Variants in SMIM8 observed in about 807,000 individuals in gnomAD.
SMIM8 encodes the protein small integral membrane protein 8, also known as UPF0708 protein C6orf162.
Under a neutral mutation model 8.1 loss-of-function variants are expected in SMIM8, and 8 were observed. That is an observed-to-expected ratio of 0.99 (90% CI 0.58 to 1.78). The LOEUF (loss-of-function observed/expected upper bound fraction) is 1.78. Ranked by LOEUF, SMIM8 falls within the 40% of genes most tolerant of loss-of-function variation. The pLI is 0.00. For missense variants in SMIM8, 126 were observed against 119.8 expected (o/e 1.05, Z -0.24); for synonymous variants, 45 against 39.7 (o/e 1.13, Z -0.50).
At position 87,340,483 on chromosome 6, in the gene SMIM8, A is replaced by G; in HGVS notation, c.*209A>G. Reference sequence around the variant, plus strand: ...CTTTTTCCACAGAGTGAGCGTCATAATATTTTTCTTTCCTTACCTCTTATA... The same window carrying G: ...CTTTTTCCACAGAGTGAGCGTCATAGTATTTTTCTTTCCTTACCTCTTATA... On this transcript the variant is annotated 3_prime_UTR_variant, in exon 4 of 4. Coordinates refer to ENST00000392863, the MANE Select transcript of SMIM8 (RefSeq NM_001042493.3). The G allele has an allele frequency of 2.8e-6, 1 of 361,154 alleles. No homozygotes were observed. Among genetic ancestry groups the G allele is most frequent in the Non-Finnish European group, 4.8e-6 (1 of 209,390 alleles). 22.4% of individuals were successfully genotyped at this position (361,154 alleles called of 1,614,324 possible).
chr6:87,330,075 G>T (rs1159620148), intron 1 of SMIM8, among the ~76,000 whole-genome samples: 1 of 152,092 alleles, frequency 6.6e-6, no homozygotes, highest in Non-Finnish European at 1.5e-5. Flanking sequence ...TTCCCCTCAA[G>T]CCATGAAGTC....
At chr6:87,329,123 C>T (rs116724056) in intron 1 of SMIM8, 407 of 154,760 alleles carry the variant, frequency 2.6e-3, no homozygotes, top group African/African-American at 8.4e-3. Context: ...TCACATGGTG[C>T]GCGCACCCAC....
At chr6:87,328,522 C>T (rs1168694503) in intron 1 of SMIM8, among the ~76,000 whole-genome samples, 3 of 151,668 alleles carry the variant, frequency 2.0e-5, no homozygotes, top group African/African-American at 4.9e-5. Flanking sequence ...TGTGAGGTAT[C>T]AGTCTGCCCC....
At chr6:87,328,953 G>A (rs1314891191) in intron 1 of SMIM8, among the ~76,000 whole-genome samples, 1 of 152,216 alleles carries the variant, frequency 6.6e-6, no homozygotes, top group African/African-American at 2.4e-5. Context: ...ATAATCTCGT[G>A]GTGCGCCATT....
chr6:87,322,846 A>C (rs1044027890), intron 1 of SMIM8: 4 of 152,118 alleles, frequency 2.6e-5, no homozygotes, highest in Non-Finnish European at 5.9e-5. Flanking sequence ...GGCCCCACAG[A>C]GCCCATTTCC....
intron 1 of SMIM8, chr6:87,329,331 G>A (rs60628059): frequency 0.068 from 10,397 of 152,850 alleles, 729 homozygotes; most frequent in African/African-American, 0.18. Context: ...CTGGAGTGCA[G>A]TGGCACGATC....
In SMIM8 at chr6:87,341,726, A is replaced by C. The variant is rs383692; in HGVS notation, c.*1452A>C. On this transcript the variant is annotated 3_prime_UTR_variant, in exon 4 of 4. Coordinates refer to ENST00000392863, the MANE Select transcript of SMIM8 (RefSeq NM_001042493.3). ...GAACTTAGCTAATTGAATTTACATG[A>C]AACTAAATAAAATCTTTACTACTGA... 6.5e-6 allele frequency: 1 copy of C among 154,812 alleles called. No individual in the cohort carries two copies. Among genetic ancestry groups the C allele is most frequent in the Non-Finnish European group, 1.4e-5 (1 of 70,020 alleles). 9.6% of individuals were successfully genotyped at this position (154,812 alleles called of 1,614,324 possible).
At chr6:87,326,341 T>C (rs1776820756) in intron 1 of SMIM8, among the ~76,000 whole-genome samples, 1 of 152,214 alleles carries the variant, frequency 6.6e-6, no homozygotes, top group Non-Finnish European at 1.5e-5. Flanking sequence ...CTTTTCTAGT[T>C]CTCTTAATTG....
chr6:87,327,866 A>G (rs1776868738), intron 1 of SMIM8, among the ~76,000 whole-genome samples: 1 of 149,472 alleles, frequency 6.7e-6, no homozygotes, highest in South Asian at 2.1e-4. Context: ...ACTTGGTTCC[A>G]TTCTCCCCGT....
intron 1 of SMIM8, among the ~76,000 whole-genome samples, chr6:87,330,048 C>T (rs945256914): frequency 6.6e-6 from 1 of 152,168 alleles, no homozygotes; most frequent in Non-Finnish European, 1.5e-5. Context: ...AAGTGAGAAT[C>T]TGAGGTTATG....
chr6:87,331,174 A>G (rs751420135), intron 2 of SMIM8, among the ~76,000 whole-genome samples: 14 of 152,226 alleles, frequency 9.2e-5, no homozygotes, highest in Non-Finnish European at 1.9e-4. Flanking sequence ...TGACAGCTGC[A>G]GTGGAAACAA....
chr6:87,323,347 A>G (rs1228640453), intron 1 of SMIM8, among the ~76,000 whole-genome samples: 1 of 152,148 alleles, frequency 6.6e-6, no homozygotes, highest in Admixed American at 6.5e-5. Flanking sequence ...ATATGTATAC[A>G]TGTGCCATGC....
At chr6:87,327,222 A>G (rs947104018) in intron 1 of SMIM8, among the ~76,000 whole-genome samples, 4 of 147,050 alleles carry the variant, frequency 2.7e-5, no homozygotes, top group African/African-American at 1.0e-4. Flanking sequence ...TCTTTATCCA[A>G]TTTGCCAGTC....
intron 2 of SMIM8, among the ~76,000 whole-genome samples, chr6:87,335,062 A>C (rs1676085625): frequency 1.3e-5 from 2 of 152,210 alleles, no homozygotes; most frequent in Admixed American, 1.3e-4. Flanking sequence ...CTAAATGTAG[A>C]GCATGAAGAG....
At chr6:87,326,717 G>A (rs1209316309) in intron 1 of SMIM8, among the ~76,000 whole-genome samples, 3 of 126,386 alleles carry the variant, frequency 2.4e-5, no homozygotes, top group African/African-American at 9.5e-5. Flanking sequence ...TAGGTGTGGT[G>A]TGGTGCTGAA....
In SMIM8 at chr6:87,341,852, T is replaced by G. The variant is rs1033200313; in HGVS notation, c.*1578T>G. Reference sequence around the variant, plus strand: ...AATCCCTTTTAAAGACTCTTTTGTTTTTGTTTTCCCTGTGTATTTTGGCTA... The same window carrying G: ...AATCCCTTTTAAAGACTCTTTTGTTGTTGTTTTCCCTGTGTATTTTGGCTA... On this transcript the variant is annotated 3_prime_UTR_variant, in exon 4 of 4. Transcript: ENST00000392863. 3 of 152,224 alleles carry G rather than the reference T, an allele frequency of 2.0e-5. No homozygotes were observed. The highest frequency in any genetic ancestry group is 4.4e-5 in the Non-Finnish European group (3 of 68,038). The allele number at this position is 152,224 out of a possible 1,614,324, so 9.4% of individuals were successfully genotyped here. A position where few individuals can be genotyped will look rare whatever the true frequency, so the allele number is the denominator to read the frequency against.
chr6:87,324,114 TG>T lies in SMIM8; in HGVS notation c.-45+1486del, dbSNP rs963681419. ...TTCATGTCCTTCGCCCACTTTTTGATGGGGTTCTTTGTTTTTGTCTTGTAAA... is the reference window on the plus strand; with the variant it reads ...TTCATGTCCTTCGCCCACTTTTTGATGGGTTCTTTGTTTTTGTCTTGTAAA... On this transcript the variant is annotated intron_variant, in intron 1 of 3. Transcript: ENST00000392863. 3.0e-4 allele frequency among the ~76,000 whole-genome samples: 45 copies of T among 152,012 alleles called. 1 individual carries two copies. Among genetic ancestry groups the T allele is most frequent in the African/African-American group, 9.2e-4 (38 of 41,306 alleles).
chr6:87,333,501 C>A (rs562074768), intron 2 of SMIM8, among the ~76,000 whole-genome samples: 1 of 152,248 alleles, frequency 6.6e-6, no homozygotes, highest in African/African-American at 2.4e-5. Flanking sequence ...TACTTAAATT[C>A]TAAATACCTT....
intron 1 of SMIM8, among the ~76,000 whole-genome samples, chr6:87,330,087 T>C (rs1776959627): frequency 6.6e-6 from 1 of 152,224 alleles, no homozygotes; most frequent in African/African-American, 2.4e-5. Context: ...CATGAAGTCC[T>C]CTGATTCTAT....
Sources: allele counts gnomAD v4.1 joint callset (sites outside exome capture counted in the v4.1 genomes callset), GRCh38; gene constraint gnomAD v4.1.1; transcripts MANE v1.5; gene names NCBI Gene and HGNC (gene_info 2026-07-23, HGNC 2026-07-21).